Variants in GPC5 observed in about 807,000 individuals in gnomAD.
GPC5 encodes the protein glypican 5.
Under a neutral mutation model 53.9 loss-of-function variants are expected in GPC5, and 47 were observed. The ratio of observed to expected loss-of-function variants is 0.87; its 90% confidence interval spans 0.69 to 1.11. The LOEUF (loss-of-function observed/expected upper bound fraction) is 1.11, where lower values mean the gene tolerates loss of function less well. GPC5 is among the 50% of genes most tolerant of loss of function. The pLI is 0.00. For synonymous variants in GPC5, 286 were observed against 263.3 expected, an observed-to-expected ratio of 1.09 and a Z score of -0.84; for missense variants, 748 against 713.1, an observed-to-expected ratio of 1.05 and a Z score of -0.56.
chr13:92,025,922 G>T (rs2040797266), intron 6 of GPC5, among the ~76,000 whole-genome samples: 1 of 151,952 alleles, frequency 6.6e-6, no homozygotes, highest in African/African-American at 2.4e-5. Context: ...CTTGATTCTT[G>T]GGCTGTTTTG....
intron 7 of GPC5, among the ~76,000 whole-genome samples, chr13:92,259,413 T>C (rs1368506154): frequency 6.6e-6 from 1 of 152,198 alleles, no homozygotes. Context: ...CTTTAAAATG[T>C]GTTCTGTGGA....
intron 2 of GPC5, among the ~76,000 whole-genome samples, chr13:91,575,050 A>G (rs2032081781): frequency 2.0e-5 from 3 of 152,188 alleles, no homozygotes; most frequent in Admixed American, 2.0e-4. Flanking sequence ...CCATGCAGGC[A>G]AGAAAAAGGT....
chr13:91,629,629 G>C (rs2034104298), intron 2 of GPC5, among the ~76,000 whole-genome samples: 1 of 152,128 alleles, frequency 6.6e-6, no homozygotes, highest in East Asian at 1.9e-4. Context: ...GGTGACAAGA[G>C]CAAAACTACA....
At chr13:92,454,634 G>A (rs374802311) in intron 7 of GPC5, among the ~76,000 whole-genome samples, 191 of 152,272 alleles carry the variant, frequency 1.3e-3, no homozygotes, top group African/African-American at 4.4e-3. Flanking sequence ...CCCTCAAGGA[G>A]CTTTCACTCT....
In GPC5 at chr13:91,509,958, C is replaced by G. The variant is rs541675551; in HGVS notation, c.325+61036C>G. 2.2e-4 allele frequency among the ~76,000 whole-genome samples: 34 copies of G among 152,202 alleles called. 1 individual carries two copies. Among genetic ancestry groups the G allele is most frequent in the Admixed American group, 9.8e-4 (15 of 15,286 alleles). ...GCAAGCCAATATGGTTTGTCATTAT[C>G]ACTTGTATATCACCATTTCTACATA... On this transcript the variant is annotated intron_variant, in intron 2 of 7. Coordinates refer to ENST00000377067, the MANE Select transcript of GPC5 (RefSeq NM_004466.6).
intron 7 of GPC5, among the ~76,000 whole-genome samples, chr13:92,613,415 A>G (rs1358988402): frequency 1.4e-5 from 1 of 72,108 alleles, no homozygotes; most frequent in Non-Finnish European, 2.4e-5. Flanking sequence ...TATTATATAT[A>G]AATATGATAT....
chr13:91,991,359 A>T (rs1027456542), intron 6 of GPC5, among the ~76,000 whole-genome samples: 1 of 152,298 alleles, frequency 6.6e-6, no homozygotes, highest in Non-Finnish European at 1.5e-5. Flanking sequence ...TGTTTTATTT[A>T]TCTTTGTATA....
At chr13:91,993,874 G>A (rs2040480171) in intron 6 of GPC5, among the ~76,000 whole-genome samples, 2 of 152,158 alleles carry the variant, frequency 1.3e-5, no homozygotes, top group Non-Finnish European at 2.9e-5. Context: ...CAGGATGTCT[G>A]TGACAATATT....
intron 1 of GPC5, among the ~76,000 whole-genome samples, chr13:91,444,020 G>GT (rs1027035435): frequency 1.8e-4 from 28 of 151,862 alleles, no homozygotes; most frequent in Admixed American, 3.9e-4. Flanking sequence ...TATTTATCCT[G>GT]TTTTTTTTCT....
intron 7 of GPC5, among the ~76,000 whole-genome samples, chr13:92,351,485 C>A (rs2043476915): frequency 6.6e-6 from 1 of 151,814 alleles, no homozygotes; most frequent in African/African-American, 2.4e-5. Flanking sequence ...TTCTGTTCAA[C>A]ATTGTTTCAA....
intron 7 of GPC5, among the ~76,000 whole-genome samples, chr13:92,569,331 TAGGCTTAAAG>T (rs1882954713): frequency 6.6e-6 from 1 of 152,028 alleles, no homozygotes; most frequent in African/African-American, 2.4e-5. Flanking sequence ...GGAGGAAATT[TAGGCTTAAAG>T]AGGCTAAGTG....
In GPC5 at chr13:91,990,180, T is replaced by A. The variant is rs559056100; in HGVS notation, c.1401+82123T>A. Among the ~76,000 whole-genome samples the A allele has an allele frequency of 1.3e-4, 20 of 152,336 alleles. 1 individual carries two copies. In the South Asian group the frequency reaches 3.7e-3, roughly 28 times the overall value. On this transcript the variant is annotated intron_variant, in intron 6 of 7. Coordinates refer to ENST00000377067, the MANE Select transcript of GPC5 (RefSeq NM_004466.6). Reference sequence around the variant, plus strand: ...ATTTTTATAGCTATTTTCACAACAGTTGTACCACAGGGACTACAAGTTAAA... The same window carrying A: ...ATTTTTATAGCTATTTTCACAACAGATGTACCACAGGGACTACAAGTTAAA...
chr13:91,672,669 T>C (rs2035277652), intron 2 of GPC5, among the ~76,000 whole-genome samples: 2 of 152,344 alleles, frequency 1.3e-5, no homozygotes, highest in South Asian at 4.1e-4. Flanking sequence ...TGGAAGACAG[T>C]GTGGCGATTT....
At chr13:92,728,133 T>C (rs1423739916) in intron 7 of GPC5, among the ~76,000 whole-genome samples, 1 of 151,510 alleles carries the variant, frequency 6.6e-6, no homozygotes, top group Non-Finnish European at 1.5e-5. Flanking sequence ...ACTTGTCTCA[T>C]ACATAGCTTG....
chr13:92,092,822 C>A (rs2041391423), intron 6 of GPC5, among the ~76,000 whole-genome samples: 1 of 152,024 alleles, frequency 6.6e-6, no homozygotes, highest in Non-Finnish European at 1.5e-5. Context: ...TTTTATTTAA[C>A]TGATTAATAA....
intron 7 of GPC5, among the ~76,000 whole-genome samples, chr13:92,841,107 C>A (rs935527449): frequency 6.6e-6 from 1 of 152,070 alleles, no homozygotes; most frequent in African/African-American, 2.4e-5. Flanking sequence ...TTTACTCTGG[C>A]CCAATTCTCT....
intron 2 of GPC5, among the ~76,000 whole-genome samples, chr13:91,576,698 G>A (rs2032149839): frequency 6.6e-6 from 1 of 152,162 alleles, no homozygotes; most frequent in African/African-American, 2.4e-5. Flanking sequence ...CTGCAACAAT[G>A]GAAAGGGGCC....
chr13:91,541,275 T>C (rs2029910921), intron 2 of GPC5, among the ~76,000 whole-genome samples: 1 of 152,194 alleles, frequency 6.6e-6, no homozygotes, highest in South Asian at 2.1e-4. Flanking sequence ...TTTTCTACTG[T>C]GTGCAGTTAA....
chr13:92,410,723 T>G (rs1301029397), intron 7 of GPC5, among the ~76,000 whole-genome samples: 1 of 152,192 alleles, frequency 6.6e-6, no homozygotes, highest in Non-Finnish European at 1.5e-5. Context: ...TAACTTGAGT[T>G]AAAAACCGGA....
Sources: gnomAD v4.1 joint callset for allele counts (sites outside exome capture counted in the v4.1 genomes callset) on GRCh38, gnomAD v4.1.1 for gene constraint, MANE v1.5 for transcripts, NCBI Gene and HGNC (gene_info 2026-07-23, HGNC 2026-07-21) for gene names.